Variants in MRPL4 observed in about 807,000 individuals in gnomAD.
The protein encoded by MRPL4 is mitochondrial ribosomal protein L4.
Under a neutral mutation model 34.1 loss-of-function variants are expected in MRPL4, and 34 were observed. The ratio of observed to expected loss-of-function variants is 1.00; its 90% CI spans 0.76 to 1.33. The LOEUF (loss-of-function observed/expected upper bound fraction) is 1.33. MRPL4 is among the 40% of genes most tolerant of loss of function. The pLI, the probability that MRPL4 is intolerant of heterozygous loss-of-function variation, is 0.00. For missense variants in MRPL4, 402 were observed against 434.6 expected, an observed-to-expected ratio of 0.92 and a Z score of 0.67; for synonymous variants, 196 against 188.3, an observed-to-expected ratio of 1.04 and a Z score of -0.33.
intron 4 of MRPL4, 145 bp from the exon 5 acceptor site, chr19:10,256,563 C>A (rs565942374): frequency 3.2e-6 from 2 of 629,850 alleles, no homozygotes. Flanking sequence ...TACCCTCCCC[C>A]TCGCTCCCCA....
chr19:10,258,135 G>A (rs1194566934), intron 5 of MRPL4, 87 bp from the exon 6 acceptor site: 7 of 943,500 alleles, frequency 7.4e-6, no homozygotes, highest in East Asian at 2.4e-5. Context: ...CCCCTCTCTC[G>A]TCACCCCATG....
chr19:10,252,506 G>T, intron 2 of MRPL4, 43 bp downstream of exon 2: 1 of 1,613,864 alleles, frequency 6.2e-7, no homozygotes, highest in Non-Finnish European at 8.5e-7. Context: ...GCGACAGAGA[G>T]GTCTGACCCT....
At position 10,254,440 on chromosome 19, in the gene MRPL4, G is replaced by A. The variant is rs1346315971; in HGVS notation, c.276-149G>A. On this transcript the variant is annotated intron_variant, in intron 3 of 8. Transcript: ENST00000253099. ...AGGGAACAGCAAGTGCCAAGGCCCT[G>A]AGGCAGAATTTCAAGATGGGGTCAG... 8.5e-6 allele frequency: 7 copies of A among 824,542 alleles called. No individual in the cohort carries two copies. The East Asian group carries it at 1.5e-4, about 18-fold the overall frequency. 51.1% of individuals were successfully genotyped at this position (824,542 alleles called of 1,614,324 possible). A position where few individuals can be genotyped will look rare whatever the true frequency, so the allele number is the denominator to read the frequency against.
At chr19:10,258,195 C>A in intron 5 of MRPL4, 27 bp from the exon 6 acceptor site, 1 of 1,547,582 alleles carries the variant, frequency 6.5e-7, no homozygotes, top group Non-Finnish European at 8.9e-7. Context: ...GTGGCCCCTA[C>A]CTGCTCACAT....
rs937469898 is a variant in MRPL4, at chr19:10,259,569, C to T, written c.740-48C>T. ...GATGTGGGTGGGGTGAGGAGAGAGGCAGCCCCGGCCTGACCGGCCCCCCGC... is the reference window on the plus strand; with the variant it reads ...GATGTGGGTGGGGTGAGGAGAGAGGTAGCCCCGGCCTGACCGGCCCCCCGC... On this transcript the variant is annotated intron_variant, in intron 8 of 8. Coordinates refer to ENST00000253099, the MANE Select transcript of MRPL4 (RefSeq NM_015956.3). The T allele has an allele frequency of 1.9e-6, 3 of 1,542,982 alleles. No individual in the cohort carries two copies. In the African/African-American group the frequency reaches 4.1e-5, roughly 21 times the overall value.
At chr19:10,255,376 GGGA>G (rs1424759328) in intron 4 of MRPL4, 3 of 152,796 alleles carry the variant, frequency 2.0e-5, no homozygotes, top group Admixed American at 6.5e-5. Flanking sequence ...ACAGTGTCAT[GGGA>G]GGAGAAGTGA....
chr19:10,252,102 G>A, upstream of MRPL4: 2 of 923,778 alleles, frequency 2.2e-6, no homozygotes, highest in Admixed American at 3.1e-5. Flanking sequence ...GGCACGCCGG[G>A]TCGGACCCCC....
chr19:10,257,842 TG>T (rs1392254137), intron 5 of MRPL4, among the ~76,000 whole-genome samples: 4 of 152,004 alleles, frequency 2.6e-5, no homozygotes, highest in Admixed American at 6.6e-5. Context: ...CAAGGTGGTT[TG>T]TTTTTTTTAT....
chr19:10,258,358 C>G, intron 6 of MRPL4, 30 bp downstream of exon 6: 2 of 1,613,916 alleles, frequency 1.2e-6, no homozygotes, highest in East Asian at 2.2e-5. Flanking sequence ...CAGACAGCTG[C>G]TAGAGGTGGG....
intron 4 of MRPL4, among the ~76,000 whole-genome samples, chr19:10,255,994 A>C (rs2039847781): frequency 6.6e-6 from 1 of 151,926 alleles, no homozygotes; most frequent in Non-Finnish European, 1.5e-5. Context: ...GAAAATACAA[A>C]AAATTAGCTG....
rs2039831574 is a variant in MRPL4, at chr19:10,254,606, A to G, written c.293A>G (p.Gln98Arg). Residue 98 changes from glutamine to arginine, a missense_variant, in exon 4 of 9, where the codon CAG becomes CGG. Coordinates refer to ENST00000253099, the MANE Select transcript of MRPL4 (RefSeq NM_015956.3). ...CCCCGCAGGCTGGACATACTGCACC[A>G]GGTTGCTATGTGGCAGAAGAACTTC... ...ATAPRLDILH[Q>R]VAMWQKNFKR... 1 of 1,613,950 alleles carries G rather than the reference A, an allele frequency of 6.2e-7. No individual in the cohort carries two copies. Among genetic ancestry groups the G allele is most frequent in the Non-Finnish European group, 8.5e-7 (1 of 1,179,878 alleles).
At chr19:10,252,124 T>G, upstream of MRPL4, 2 of 1,210,994 alleles carry the variant, frequency 1.7e-6, no homozygotes, top group Non-Finnish European at 2.2e-6. Context: ...CCATCTTCGG[T>G]TTTGCACACC....
chr19:10,259,360 C>G lies in MRPL4; in HGVS notation c.740-257C>G, dbSNP rs1307226010. On this transcript the variant is annotated intron_variant, in intron 8 of 8. Transcript: ENST00000253099. The stretch of plus-strand genomic sequence containing the variant: ...GGGTCTCCCCCACCAGAATGGGAGC[C>G]AGGAGTCCCAGCCAGGCACAGGACC... The G allele has an allele frequency of 2.9e-6, 4 of 1,386,494 alleles. No homozygotes were observed. In the East Asian group the frequency reaches 1.1e-4, roughly 40 times the overall value. 85.9% of individuals were successfully genotyped at this position (1,386,494 alleles called of 1,614,324 possible).
At chr19:10,255,807 A>G (rs1341507746) in intron 4 of MRPL4, 2 of 152,302 alleles carry the variant, frequency 1.3e-5, no homozygotes, top group African/African-American at 4.8e-5. Context: ...TGTCTGTGTC[A>G]TTTCCCATGG....
chr19:10,259,697 C>T lies in MRPL4; in HGVS notation c.820C>T (p.Leu274Phe). The change falls in exon 9 of 9, where the codon CTC (leucine) becomes TTC (phenylalanine). Residue 274 changes from leucine to phenylalanine, a missense_variant. Physicochemically the swap from Leu to Phe is conservative, Grantham distance 22. Transcript: ENST00000253099. ...PTVAFLEDKL[L>F]WQDSRYRPLY... is the part of the protein sequence containing the mutation. ...CGTCGCCTTCCTGGAGGACAAGCTG[C>T]TCTGGCAGGACTCACGTTACAGACC... 6.2e-7 allele frequency: 1 copy of T among 1,613,252 alleles called. No individual in the cohort carries two copies. The highest frequency in any genetic ancestry group is 8.5e-7 in the Non-Finnish European group (1 of 1,179,774).
intron 3 of MRPL4, among the ~76,000 whole-genome samples, chr19:10,253,486 A>AG (rs1423041038): frequency 3.4e-5 from 5 of 148,422 alleles, no homozygotes; most frequent in African/African-American, 7.5e-5. Context: ...AAAAAAAAAA[A>AG]AAGAAAGAAA....
chr19:10,254,173 C>T (rs1167084873), intron 3 of MRPL4, among the ~76,000 whole-genome samples: 1 of 152,118 alleles, frequency 6.6e-6, no homozygotes, highest in Non-Finnish European at 1.5e-5. Flanking sequence ...CATGTACCAC[C>T]GTGCCCAGCT....
intron 1 of MRPL4, 40 bp from the exon 2 acceptor site, chr19:10,252,357 T>C: frequency 1.2e-6 from 2 of 1,612,486 alleles, no homozygotes; most frequent in Non-Finnish European, 1.7e-6. Context: ...AATTTGGGGG[T>C]GTCCAGGGGT....
Position 10,258,269 on chromosome 19 carries a change from C to T in MRPL4, c.493C>T (p.Leu165=). 1 of 1,614,134 alleles carries T rather than the reference C, an allele frequency of 6.2e-7. No individual in the cohort carries two copies. Among genetic ancestry groups the T allele is most frequent in the Non-Finnish European group, 8.5e-7 (1 of 1,180,034 alleles). ...PRGPTSYYYM[L]PMKVRALGLK... is the part of the protein sequence containing the mutation. ...GGGCCCCACAAGTTACTACTACATG[C>T]TGCCCATGAAGGTGCGGGCGCTGGG... The change falls in exon 6 of 9, where the codon CTG becomes TTG. Residue 165 remains leucine, a synonymous_variant. Transcript: ENST00000253099.
Sources: allele counts gnomAD v4.1 joint callset (sites outside exome capture counted in the v4.1 genomes callset), GRCh38; gene constraint gnomAD v4.1.1; transcripts MANE v1.5; gene names NCBI Gene and HGNC (gene_info 2026-07-23, HGNC 2026-07-21).